Variants in FLRT1 observed in about 807,000 individuals in gnomAD.
The protein encoded by FLRT1 is leucine-rich repeat transmembrane protein FLRT1.
FLRT1 carries 14 observed loss-of-function variants against 30.9 expected under a neutral mutation model. The observed-to-expected ratio is 0.45, with a 90% CI of 0.30 to 0.71. FLRT1 has a LOEUF of 0.71. Among genes scored for constraint, FLRT1 ranks in the 30% least tolerant of loss-of-function variants. The pLI is 0.08. For missense variants in FLRT1, 737 were observed against 949.2 expected, an observed-to-expected ratio of 0.78 and a Z score of 2.94; for synonymous variants, 368 against 430.4, an observed-to-expected ratio of 0.85 and a Z score of 1.80.
intron 2 of FLRT1, among the ~76,000 whole-genome samples, chr11:64,111,078 G>C (rs1385992292): frequency 6.6e-6 from 1 of 152,244 alleles, no homozygotes; most frequent in African/African-American, 2.4e-5. Flanking sequence ...TCTCTGAAAG[G>C]TGCAATTTAG....
chr11:64,116,101 G>C, intron 2 of FLRT1, 118 bp from the exon 3 acceptor site: 1 of 1,058,636 alleles, frequency 9.4e-7, no homozygotes, highest in South Asian at 1.7e-5. Context: ...TCACCCCGCA[G>C]GACCGGACTT....
chr11:64,039,589 C>G (rs1943447187), intron 1 of FLRT1, among the ~76,000 whole-genome samples: 1 of 152,280 alleles, frequency 6.6e-6, no homozygotes, highest in African/African-American at 2.4e-5. Context: ...GGGAAAAGGA[C>G]AGCACCCCTG....
chr11:64,040,876 G>C (rs1287618133), intron 1 of FLRT1, among the ~76,000 whole-genome samples: 1 of 152,084 alleles, frequency 6.6e-6, no homozygotes, highest in Non-Finnish European at 1.5e-5. Context: ...CTGCCTCCCA[G>C]GCAGACCGCA....
At chr11:64,080,034 A>G (rs982080127) in intron 1 of FLRT1, among the ~76,000 whole-genome samples, 1 of 152,106 alleles carries the variant, frequency 6.6e-6, no homozygotes, top group African/African-American at 2.4e-5. Context: ...TAATTTTGAG[A>G]TGGAGTCTCA....
intron 1 of FLRT1, among the ~76,000 whole-genome samples, chr11:64,043,976 G>A (rs568623427): frequency 5.9e-5 from 9 of 152,168 alleles, no homozygotes; most frequent in African/African-American, 2.2e-4. Context: ...ACCACGCCGG[G>A]CTAATTTTTC....
Position 64,117,917 on chromosome 11 carries a change from C to A in FLRT1, c.1650C>A (p.Ser550Arg), listed in dbSNP as rs769906902. 6.2e-7 allele frequency: 1 copy of A among 1,613,852 alleles called. No homozygotes were observed. Among genetic ancestry groups the A allele is most frequent in the Admixed American group, 1.7e-5 (1 of 60,028 alleles). Residue 550 changes from serine to arginine, a missense_variant, in exon 3 of 3, where the codon AGC (serine) becomes AGA (arginine). By Grantham distance (110) the Ser-to-Arg change is moderately radical (BLOSUM62 -1). Coordinates refer to ENST00000682287, the MANE Select transcript of FLRT1 (RefSeq NM_013280.5). Reference protein sequence around the residue: ...NQEQNAGPMASLPLAGIIGGA... With the variant: ...NQEQNAGPMARLPLAGIIGGA... ...AGCAGAACGCTGGCCCCATGGCGAG[C>A]CTGCCCCTGGCGGGCATCATCGGCG...
At chr11:64,060,810 GC>G (rs1180051581) in intron 1 of FLRT1, among the ~76,000 whole-genome samples, 1 of 152,216 alleles carries the variant, frequency 6.6e-6, no homozygotes, top group Non-Finnish European at 1.5e-5. Flanking sequence ...TTTGAGTCCT[GC>G]AGCCCCCGGG....
At position 64,118,033 on chromosome 11, in the gene FLRT1, C is replaced by T. The variant is rs1945025197; in HGVS notation, c.1766C>T (p.Ala589Val). 6.2e-7 allele frequency: 1 copy of T among 1,613,534 alleles called. No homozygotes were observed. Among genetic ancestry groups the T allele is most frequent in the African/African-American group, 1.3e-5 (1 of 74,948 alleles). ...GGCGAGCTGCTGACCCGGGAGAGGGCCTACAACCGGGGCAGCAGGAAAAAG... is the reference window on the plus strand; with the variant it reads ...GGCGAGCTGCTGACCCGGGAGAGGGTCTACAACCGGGGCAGCAGGAAAAAG... ...QAGELLTRER[A>V]YNRGSRKKDD... Residue 589 changes from alanine to valine, a missense_variant, in exon 3 of 3, where the codon GCC (alanine) becomes GTC (valine). Coordinates refer to ENST00000682287, the MANE Select transcript of FLRT1 (RefSeq NM_013280.5).
intron 1 of FLRT1, among the ~76,000 whole-genome samples, chr11:64,069,202 C>T (rs935409450): frequency 3.3e-5 from 5 of 152,172 alleles, no homozygotes; most frequent in Admixed American, 6.5e-5. Flanking sequence ...GGCCACTGCG[C>T]GCGGCCGGGG....
intron 1 of FLRT1, among the ~76,000 whole-genome samples, chr11:64,044,244 CCAA>C (rs1420209690): frequency 3.3e-5 from 5 of 151,832 alleles, no homozygotes; most frequent in Non-Finnish European, 7.4e-5. Context: ...GGCAGTTCCC[CCAA>C]CAACTTTTTT....
chr11:64,089,436 C>G (rs949041659), intron 1 of FLRT1, among the ~76,000 whole-genome samples: 9 of 152,176 alleles, frequency 5.9e-5, no homozygotes, highest in Admixed American at 1.3e-4. Context: ...ATGGAGGAGT[C>G]GTCACCTCAC....
rs1389178355 is a variant in FLRT1 at position 64,106,865 on chromosome 11, G to A, written c.-50+2684G>A. Among the ~76,000 whole-genome samples, 3 of 152,016 alleles carry A rather than the reference G, an allele frequency of 2.0e-5. No individual in the cohort carries two copies. The East Asian group carries it at 5.8e-4, about 29-fold the overall frequency. ...TCTCCTTCCCTCTGAAATTCCACTG[G>A]GCTTTCTTTTATTTATTTTATTTTA... On this transcript the variant is annotated intron_variant, in intron 2 of 2. Transcript: ENST00000682287.
rs146364545 is a variant in FLRT1 at position 64,105,172 on chromosome 11, G to A, written c.-50+991G>A. ...TTGCTGTTATTTATTATAAAAGTGC[G>A]CCAGCCCGACAGCGGGGCCGCGAGC... On this transcript the variant is annotated intron_variant, in intron 2 of 2. Transcript: ENST00000682287. 8.9e-4 allele frequency among the ~76,000 whole-genome samples: 135 copies of A among 152,336 alleles called. 2 individuals are homozygous for A. The highest frequency in any genetic ancestry group is 2.9e-3 in the African/African-American group (121 of 41,570).
intron 1 of FLRT1, among the ~76,000 whole-genome samples, chr11:64,050,975 T>A (rs1353561386): frequency 6.6e-6 from 1 of 152,166 alleles, no homozygotes; most frequent in African/African-American, 2.4e-5. Context: ...GCCAGGCCTG[T>A]CCCCTGAGCC....
chr11:64,063,133 C>T (rs1943935915), intron 1 of FLRT1, among the ~76,000 whole-genome samples: 2 of 152,080 alleles, frequency 1.3e-5, no homozygotes, highest in South Asian at 4.2e-4. Context: ...GAGAGGCCAC[C>T]CTATGGTGAT....
chr11:64,096,836 C>G lies in FLRT1; in HGVS notation c.-1037-6358C>G, dbSNP rs946348788. Among the ~76,000 whole-genome samples, 1 of 152,214 alleles carries G rather than the reference C, an allele frequency of 6.6e-6. No individual in the cohort carries two copies. Among genetic ancestry groups the G allele is most frequent in the African/African-American group, 2.4e-5 (1 of 41,468 alleles). On this transcript the variant is annotated intron_variant, in intron 1 of 2. Coordinates refer to ENST00000682287, the MANE Select transcript of FLRT1 (RefSeq NM_013280.5). This position sits in a 1 kb window ranked among gnomAD's most constrained non-coding sequence, Gnocchi z 4.6. ...CTGCCGTGTCCCCATACCCTCCAAG[C>G]ACACTGCCAGCTGTGTCCCTTCGAG... is the stretch of plus-strand genomic sequence containing the variant.
chr11:64,042,412 T>TG (rs1348013040), intron 1 of FLRT1, among the ~76,000 whole-genome samples: 2 of 151,950 alleles, frequency 1.3e-5, no homozygotes, highest in African/African-American at 2.4e-5. Flanking sequence ...CTCTGGGGAA[T>TG]GGGGGGGTGT....
chr11:64,095,405 A>C (rs1211327477), intron 1 of FLRT1, among the ~76,000 whole-genome samples: 1 of 152,206 alleles, frequency 6.6e-6, no homozygotes, highest in Non-Finnish European at 1.5e-5. Flanking sequence ...TCTCGGCCAG[A>C]GAGAGCATGT....
At position 64,116,402 on chromosome 11, in the gene FLRT1, G is replaced by A. The variant is rs1248631849; in HGVS notation, c.135G>A (p.Leu45=). ...TCTGCTACGGGCTCATCGCCTTCCT[G>A]ACGGAGGTCATCGACAGCACCACCT... ...LFLCYGLIAF[L]TEVIDSTTCP... is the part of the protein sequence containing the mutation. The change falls in exon 3 of 3, where the codon CTG becomes CTA. Residue 45 remains leucine (L), a synonymous_variant. Transcript: ENST00000682287. 1.2e-6 allele frequency: 2 copies of A among 1,613,966 alleles called. No individual in the cohort carries two copies. Among genetic ancestry groups the A allele is most frequent in the Admixed American group, 1.7e-5 (1 of 60,026 alleles).
Sources: gnomAD v4.1 joint callset for allele counts (sites outside exome capture counted in the v4.1 genomes callset) on GRCh38, gnomAD v4.1.1 for gene constraint, Gnocchi (gnomAD v3.1) non-coding constraint, MANE v1.5 for transcripts, NCBI Gene and HGNC (gene_info 2026-07-23, HGNC 2026-07-21) for gene names.